GULP1: variants seen among roughly 807,000 people sequenced by gnomAD.
The protein encoded by GULP1 is GULP PTB domain containing engulfment adaptor 1, also known as PTB domain-containing engulfment adapter protein 1.
GULP1 carries 19 observed loss-of-function variants against 40.9 expected under a neutral mutation model. The observed-to-expected ratio is 0.46, with a 90% CI of 0.32 to 0.68. The LOEUF is 0.68. Ranked by LOEUF, GULP1 falls within the 30% of genes least tolerant of loss-of-function variation. GULP1 has a pLI of 0.03. For synonymous variants in GULP1, 119 were observed against 117.6 expected (o/e 1.01, Z -0.08); for missense variants, 312 against 362.2 (o/e 0.86, Z 1.12).
At chr2:188,491,203 C>G (rs2062355184) in intron 4 of GULP1, among the ~76,000 whole-genome samples, 1 of 151,856 alleles carries the variant, frequency 6.6e-6, no homozygotes, top group Non-Finnish European at 1.5e-5. Context: ...GAAGACTGGA[C>G]TGTGAGACTT....
Position 188,587,950 on chromosome 2 carries a change from G to A in GULP1, c.843+1G>A. The A allele has an allele frequency of 6.7e-7, 1 of 1,485,186 alleles. No individual in the cohort carries two copies. Among genetic ancestry groups the A allele is most frequent in the Non-Finnish European group, 9.4e-7 (1 of 1,062,382 alleles). 92.0% of individuals were successfully genotyped at this position (1,485,186 alleles called of 1,614,324 possible). Reference sequence around the variant, plus strand: ...TCAATCAAAATTAGATGAGATGCAGGTGACTATTTTGATAGACTGGCCCAT... The same window carrying A: ...TCAATCAAAATTAGATGAGATGCAGATGACTATTTTGATAGACTGGCCCAT... On this transcript the variant is annotated splice_donor_variant, in intron 11 of 11. Coordinates refer to ENST00000409830, the MANE Select transcript of GULP1 (RefSeq NM_016315.4). LOFTEE classifies it high-confidence loss of function.
intron 4 of GULP1, among the ~76,000 whole-genome samples, chr2:188,514,419 A>G (rs1375369901): frequency 1.3e-5 from 2 of 152,160 alleles, no homozygotes; most frequent in South Asian, 2.1e-4. Flanking sequence ...CAAAGAACCT[A>G]TTGATGCTGT....
At position 188,459,347 on chromosome 2, in the gene GULP1, G is replaced by A. The variant is rs929903012; in HGVS notation, c.-44-18312G>A. ...AGGATTTCCTTTTCTCCACATTCTC[G>A]CTAGCATTTTTTATTGCCTGTCTTT... On this transcript the variant is annotated intron_variant, in intron 2 of 11. Coordinates refer to ENST00000409830, the MANE Select transcript of GULP1 (RefSeq NM_016315.4). 3.9e-5 allele frequency among the ~76,000 whole-genome samples: 6 copies of A among 152,032 alleles called. No individual in the cohort carries two copies. The East Asian group carries it at 7.7e-4, about 20-fold the overall frequency.
chr2:188,411,582 C>A (rs2152715531), intron 2 of GULP1, among the ~76,000 whole-genome samples: 1 of 152,246 alleles, frequency 6.6e-6, no homozygotes, highest in East Asian at 1.9e-4. Context: ...TGAGGTCACC[C>A]TTTGTTGAGC....
At chr2:188,457,827 C>A (rs950112682) in intron 2 of GULP1, among the ~76,000 whole-genome samples, 5 of 152,200 alleles carry the variant, frequency 3.3e-5, no homozygotes, top group African/African-American at 1.2e-4. Flanking sequence ...AAACCCCCCA[C>A]ACATGCATTC....
intron 2 of GULP1, among the ~76,000 whole-genome samples, chr2:188,392,688 G>A (rs2050689540): frequency 6.6e-6 from 1 of 152,062 alleles, no homozygotes; most frequent in Non-Finnish European, 1.5e-5. Flanking sequence ...ACATTAGGTT[G>A]TCAATTTGTG....
intron 4 of GULP1, among the ~76,000 whole-genome samples, chr2:188,500,093 A>G (rs58998088): frequency 0.013 from 1,924 of 151,990 alleles, 41 homozygotes; most frequent in African/African-American, 0.044. Context: ...ACAGAGCAAC[A>G]TTCTCATTGA....
intron 7 of GULP1, among the ~76,000 whole-genome samples, chr2:188,554,395 A>G (rs1694235638): frequency 6.6e-6 from 1 of 151,796 alleles, no homozygotes; most frequent in African/African-American, 2.4e-5. Context: ...TTTCTTTGTC[A>G]ACCCAAAGGT....
intron 11 of GULP1, chr2:188,589,200 C>A (rs2153473399): frequency 6.6e-6 from 1 of 152,204 alleles, no homozygotes; most frequent in Middle Eastern, 3.4e-3. Flanking sequence ...AATTGCAACA[C>A]CAATACAGGA....
intron 1 of GULP1, among the ~76,000 whole-genome samples, chr2:188,379,622 A>G (rs12989048): frequency 6.6e-6 from 1 of 152,160 alleles, no homozygotes; most frequent in African/African-American, 2.4e-5. Context: ...TAAAACACGT[A>G]TCTTACTGTA....
chr2:188,541,557 A>C, intron 7 of GULP1: 1 of 589,080 alleles, frequency 1.7e-6, no homozygotes, highest in Non-Finnish European at 3.0e-6. Context: ...AATTTCTTTT[A>C]TTAGAATGCC....
At chr2:188,507,396 CTTTTT>C (rs5837091) in intron 4 of GULP1, among the ~76,000 whole-genome samples, 3 of 103,524 alleles carry the variant, frequency 2.9e-5, no homozygotes, top group South Asian at 3.2e-4. Context: ...CATTTGTTTT[CTTTTT>C]TTTTTTTTTT....
intron 1 of GULP1, among the ~76,000 whole-genome samples, chr2:188,299,933 T>C (rs1477871237): frequency 6.6e-6 from 1 of 152,206 alleles, no homozygotes; most frequent in Admixed American, 6.5e-5. Flanking sequence ...GAACAACTTG[T>C]GGATTTTACA....
chr2:188,424,879 T>C (rs2055955219), intron 2 of GULP1, among the ~76,000 whole-genome samples: 2 of 152,022 alleles, frequency 1.3e-5, no homozygotes, highest in Admixed American at 6.6e-5. Context: ...GGTTCATCAG[T>C]TTATGGAATT....
rs543229607 is a variant in GULP1 at position 188,595,064 on chromosome 2, A to G, written c.*1053A>G. On this transcript the variant is annotated 3_prime_UTR_variant, in exon 12 of 12. Transcript: ENST00000409830. The stretch of plus-strand genomic sequence containing the variant: ...AAGTCAAAAATCTCATTTTCCAAAA[A>G]AAAAAAAAAAACCCAGTTACTGCTC... 237 of 151,562 alleles carry G rather than the reference A, an allele frequency of 1.6e-3. No homozygotes were observed. Among genetic ancestry groups the G allele is most frequent in the Non-Finnish European group, 2.6e-3 (179 of 67,648 alleles). The allele number at this position is 151,562 out of a possible 1,614,324, so 9.4% of individuals were successfully genotyped here.
chr2:188,425,333 C>T (rs2056038092), intron 2 of GULP1, among the ~76,000 whole-genome samples: 1 of 151,936 alleles, frequency 6.6e-6, no homozygotes, highest in African/African-American at 2.4e-5. Context: ...CAACCTGTTG[C>T]AGTTTATTAT....
At position 188,595,020 on chromosome 2, in the gene GULP1, A is replaced by G. The variant is rs1204523034; in HGVS notation, c.*1009A>G. The G allele has an allele frequency of 1.3e-5, 2 of 149,884 alleles. No homozygotes were observed. Among genetic ancestry groups the G allele is most frequent in the Non-Finnish European group, 3.0e-5 (2 of 67,260 alleles). 9.3% of individuals were successfully genotyped at this position (149,884 alleles called of 1,614,324 possible). On this transcript the variant is annotated 3_prime_UTR_variant, in exon 12 of 12. Coordinates refer to ENST00000409830, the MANE Select transcript of GULP1 (RefSeq NM_016315.4). ...GAATTATCAATATTTGGTAAATTCA[A>G]TCTGTATTTGTTTTGTTAAAGTCAA...
chr2:188,353,196 A>G (rs1197851727), intron 1 of GULP1, among the ~76,000 whole-genome samples: 1 of 152,200 alleles, frequency 6.6e-6, no homozygotes, highest in African/African-American at 2.4e-5. Context: ...AGGGATAAGG[A>G]AAACAAATCT....
chr2:188,562,457 T>C (rs1696555501), intron 7 of GULP1, among the ~76,000 whole-genome samples: 1 of 152,190 alleles, frequency 6.6e-6, no homozygotes, highest in Non-Finnish European at 1.5e-5. Flanking sequence ...AATTCTGGTC[T>C]TTGCTCTTGG....
Sources: allele counts gnomAD v4.1 joint callset (sites outside exome capture counted in the v4.1 genomes callset), GRCh38; gene constraint gnomAD v4.1.1; transcripts MANE v1.5; gene names NCBI Gene and HGNC (gene_info 2026-07-23, HGNC 2026-07-21).